C4BPA: variants seen among roughly 807,000 people sequenced by gnomAD.
The protein encoded by C4BPA is complement component 4 binding protein alpha.
In C4BPA, 31 loss-of-function variants were observed where a neutral mutation model predicts 63.7. The ratio of observed to expected loss-of-function variants is 0.49; its 90% CI spans 0.37 to 0.66. C4BPA has a LOEUF of 0.66. C4BPA is among the 30% of genes least tolerant of loss of function. The pLI, the probability that C4BPA is intolerant of heterozygous loss-of-function variation, is 0.00. For missense variants in C4BPA, 572 were observed against 723.3 expected (o/e 0.79, Z 2.40); for synonymous variants, 259 against 254.7 (o/e 1.02, Z -0.16).
Position 207,143,996 on chromosome 1 carries a change from A to G in C4BPA, c.1620+3A>G. The G allele has an allele frequency of 4.5e-6, 7 of 1,564,442 alleles. No homozygotes were observed. Among genetic ancestry groups the G allele is most frequent in the Non-Finnish European group, 6.0e-6 (7 of 1,158,684 alleles). ...CAGAGGTGCCCAAGTGTGAGTGGGT[A>G]AGTGGCACAATTCAAGGAAGTTCTG... On this transcript the variant is annotated splice_donor_region_variant and intron_variant, in intron 11 of 11. Coordinates refer to ENST00000367070, the MANE Select transcript of C4BPA (RefSeq NM_000715.4).
At chr1:207,115,389 TA>T in intron 3 of C4BPA, 26 bp from the exon 4 acceptor site, 1 of 1,264,126 alleles carries the variant, frequency 7.9e-7, no homozygotes. Context: ...TTGGAAGTAC[TA>T]ATCATCATTT....
chr1:207,131,213 AG>A (rs1255317385), intron 7 of C4BPA, among the ~76,000 whole-genome samples: 1 of 152,216 alleles, frequency 6.6e-6, no homozygotes, highest in Admixed American at 6.5e-5. Context: ...AAACATAGTT[AG>A]ATTTGTTTGT....
chr1:207,108,774 G>A (rs1432549148), intron 1 of C4BPA, among the ~76,000 whole-genome samples: 1 of 152,148 alleles, frequency 6.6e-6, no homozygotes, highest in Non-Finnish European at 1.5e-5. Flanking sequence ...CCAGGCTGGA[G>A]TGCAGTGGTG....
intron 9 of C4BPA, among the ~76,000 whole-genome samples, chr1:207,139,744 T>TAAAC (rs1161295579): frequency 1.4e-4 from 22 of 152,212 alleles, no homozygotes. Flanking sequence ...CCTACGTAAA[T>TAAAC]AAACATAGGT....
rs747282623 is a variant in C4BPA at position 207,114,282 on chromosome 1, A to G, written c.325A>G (p.Ile109Val). ...DGEWVYNTFCIYKRCRHPGEL... is the reference protein window; with the variant it reads ...DGEWVYNTFCVYKRCRHPGEL... ...CGAATGGGTGTATAACACCTTCTGT[A>G]TCTGTAAGTATCAACATTTATTTTT... Residue 109 changes from isoleucine to valine, a missense_variant, in exon 3 of 12, where the codon ATC (isoleucine) becomes GTC (valine). This residue lies in a region of C4BPA where 465 missense variants were observed against 629.4 expected (regional missense o/e 0.74). Transcript: ENST00000367070. 1.3e-5 allele frequency: 20 copies of G among 1,597,432 alleles called. No individual in the cohort carries two copies. Among genetic ancestry groups the G allele is most frequent in the African/African-American group, 2.7e-5 (2 of 74,232 alleles).
intron 1 of C4BPA, among the ~76,000 whole-genome samples, chr1:207,111,925 T>G (rs1422501890): frequency 1.3e-5 from 2 of 152,190 alleles, no homozygotes; most frequent in Non-Finnish European, 2.9e-5. Flanking sequence ...ACTATTTCTT[T>G]TCTTAATTTT....
At chr1:207,143,712 A>G in intron 10 of C4BPA, 106 bp from the exon 11 acceptor site, 1 of 770,116 alleles carries the variant, frequency 1.3e-6, no homozygotes, top group Non-Finnish European at 2.1e-6. Flanking sequence ...AGAGAAAGAT[A>G]GAACAATTAG....
intron 9 of C4BPA, among the ~76,000 whole-genome samples, chr1:207,134,926 G>A (rs1685246400): frequency 6.6e-6 from 1 of 152,170 alleles, no homozygotes; most frequent in Admixed American, 6.5e-5. Context: ...GAAATCTATT[G>A]AATCTGCCTT....
intron 9 of C4BPA, among the ~76,000 whole-genome samples, chr1:207,135,899 G>T (rs1186837029): frequency 1.3e-5 from 2 of 152,172 alleles, no homozygotes; most frequent in Non-Finnish European, 2.9e-5. Flanking sequence ...CTGTGAGTGG[G>T]TTTTCTAGTT....
chr1:207,125,623 C>T (rs1685023107), intron 6 of C4BPA, among the ~76,000 whole-genome samples: 1 of 152,092 alleles, frequency 6.6e-6, no homozygotes, highest in African/African-American at 2.4e-5. Context: ...TCCCTTCCCC[C>T]ATGTGAGGAC....
At chr1:207,113,259 T>C in intron 2 of C4BPA, 92 bp downstream of exon 2, 1 of 1,386,410 alleles carries the variant, frequency 7.2e-7, no homozygotes, top group Non-Finnish European at 9.9e-7. Context: ...ATGACTGAGC[T>C]TCTAGCAGAG....
At chr1:207,115,827 C>G (rs1404566953) in intron 4 of C4BPA, among the ~76,000 whole-genome samples, 1 of 152,096 alleles carries the variant, frequency 6.6e-6, no homozygotes, top group Non-Finnish European at 1.5e-5. Context: ...TCAATGTATA[C>G]TGGAGATATT....
intron 10 of C4BPA, 133 bp from the exon 11 acceptor site, chr1:207,143,685 T>A: frequency 1.5e-6 from 1 of 670,064 alleles, no homozygotes; most frequent in Non-Finnish European, 2.5e-6. Context: ...AATGCTAATA[T>A]GAATGTTTTC....
intron 4 of C4BPA, among the ~76,000 whole-genome samples, chr1:207,123,407 A>G (rs543282265): frequency 1.3e-5 from 2 of 152,292 alleles, no homozygotes; most frequent in African/African-American, 4.8e-5. Context: ...AATCATTCAT[A>G]TCTTTTGTTT....
intron 1 of C4BPA, among the ~76,000 whole-genome samples, chr1:207,109,357 T>C (rs1364949347): frequency 6.6e-6 from 1 of 152,260 alleles, no homozygotes; most frequent in Non-Finnish European, 1.5e-5. Flanking sequence ...CCAATGCCAA[T>C]TCTATGAAAC....
Position 207,105,584 on chromosome 1 carries a change from A to AG in C4BPA, c.-26+1155dup, listed in dbSNP as rs1684544277. The stretch of plus-strand genomic sequence containing the variant: ...AAAAAAAAAAAAAAAGAAAAAAAAA[A>AG]GAGATTCTAGGAAGGGTGGGGAAAG... On this transcript the variant is annotated intron_variant, in intron 1 of 11. Transcript: ENST00000367070. Among the ~76,000 whole-genome samples the AG allele has an allele frequency of 2.0e-5, 3 of 151,064 alleles. No homozygotes were observed. The Admixed American group carries it at 2.0e-4, about 10-fold the overall frequency.
intron 6 of C4BPA, among the ~76,000 whole-genome samples, chr1:207,125,882 A>G (rs1685029349): frequency 1.3e-5 from 2 of 152,182 alleles, no homozygotes. Context: ...AAGGGATTGT[A>G]GAGGAATTAA....
chr1:207,104,694 G>A (rs1029879996), intron 1 of C4BPA, among the ~76,000 whole-genome samples: 1 of 152,182 alleles, frequency 6.6e-6, no homozygotes, highest in African/African-American at 2.4e-5. Flanking sequence ...GAGGTGTAAG[G>A]TGTTGCTCTT....
At chr1:207,116,367 T>C (rs968941401) in intron 4 of C4BPA, among the ~76,000 whole-genome samples, 16 of 26,238 alleles carry the variant, frequency 6.1e-4, no homozygotes, top group African/African-American at 1.2e-3. Context: ...CTGGTTGTTG[T>C]TTTTTTTCCT....
Sources: allele counts gnomAD v4.1 joint callset (sites outside exome capture counted in the v4.1 genomes callset), GRCh38; gene constraint gnomAD v4.1.1; regional missense constraint gnomAD v4.1.1; transcripts MANE v1.5; gene names NCBI Gene and HGNC (gene_info 2026-07-23, HGNC 2026-07-21).